Variants in RPS6KC1 observed in about 807,000 individuals in gnomAD.
RPS6KC1 encodes the protein inactive ribosomal protein S6 kinase delta-1.
In RPS6KC1, 54 loss-of-function variants were observed where a neutral mutation model predicts 103.8. That is an observed-to-expected ratio of 0.52 (90% confidence interval 0.42 to 0.65). RPS6KC1 has a LOEUF of 0.65. Among genes scored for constraint, RPS6KC1 ranks in the 30% least tolerant of loss-of-function variants. The pLI is 0.00. For synonymous variants in RPS6KC1, 439 were observed against 438.7 expected (o/e 1.00, Z -0.01); for missense variants, 1,151 against 1,253.8 (o/e 0.92, Z 1.24).
At chr1:213,242,397 A>G in intron 11 of RPS6KC1, 100 bp downstream of exon 11, 1 of 1,395,206 alleles carries the variant, frequency 7.2e-7, no homozygotes, top group Non-Finnish European at 1.0e-6. Context: ...TTTCCTGTCT[A>G]GAGCTTCATT....
the RPS6KC1 span, among the ~76,000 whole-genome samples, chr1:213,580,032 A>G: frequency 6.6e-6 from 1 of 152,034 alleles, no homozygotes; most frequent in Non-Finnish European, 1.5e-5. Flanking sequence ...TTCAAGTCTT[A>G]TTATTTAAAA....
the RPS6KC1 span, among the ~76,000 whole-genome samples, chr1:213,289,553 C>G: frequency 3.9e-5 from 6 of 152,052 alleles, no homozygotes; most frequent in Non-Finnish European, 7.4e-5. Context: ...AGATAAATGG[C>G]AGAATGGGAC....
the RPS6KC1 span, among the ~76,000 whole-genome samples, chr1:213,689,588 C>T: frequency 6.6e-6 from 1 of 152,178 alleles, no homozygotes. Context: ...TCAGGAAAGC[C>T]CTCACTGGGC....
At chr1:213,372,133 G>T in the RPS6KC1 span, among the ~76,000 whole-genome samples, 1 of 152,202 alleles carries the variant, frequency 6.6e-6, no homozygotes, top group Non-Finnish European at 1.5e-5. Flanking sequence ...ATAAACTGTT[G>T]ACTGAAAATA....
At chr1:213,591,883 T>C in the RPS6KC1 span, among the ~76,000 whole-genome samples, 1 of 152,202 alleles carries the variant, frequency 6.6e-6, no homozygotes, top group African/African-American at 2.4e-5. Context: ...GTGTTAAGGC[T>C]TCTTACCTGT....
chr1:213,287,563 T>G, the RPS6KC1 span, among the ~76,000 whole-genome samples: 2 of 152,138 alleles, frequency 1.3e-5, no homozygotes, highest in Non-Finnish European at 2.9e-5. Flanking sequence ...TTCAGTGTTA[T>G]CAAGGAAAGG....
chr1:213,613,880 C>T, the RPS6KC1 span, among the ~76,000 whole-genome samples: 1 of 152,230 alleles, frequency 6.6e-6, no homozygotes, highest in Non-Finnish European at 1.5e-5. Flanking sequence ...CATTTAAGTT[C>T]ACTGTGCTCC....
the RPS6KC1 span, among the ~76,000 whole-genome samples, chr1:213,634,064 T>C: frequency 6.6e-6 from 1 of 151,744 alleles, no homozygotes; most frequent in Non-Finnish European, 1.5e-5. Context: ...TAAAGGAGCA[T>C]CCAGATTCAT....
chr1:213,718,463 C>T, the RPS6KC1 span, among the ~76,000 whole-genome samples: 4 of 152,236 alleles, frequency 2.6e-5, no homozygotes, highest in Non-Finnish European at 5.9e-5. Flanking sequence ...GGATATGTAA[C>T]ACCCTCTCTG....
At chr1:213,093,617 A>G (rs1439180909) in intron 3 of RPS6KC1, among the ~76,000 whole-genome samples, 1 of 152,102 alleles carries the variant, frequency 6.6e-6, no homozygotes, top group Non-Finnish European at 1.5e-5. Flanking sequence ...TTATTGTTCT[A>G]ATGGTATGGT....
At chr1:213,685,504 C>A in the RPS6KC1 span, among the ~76,000 whole-genome samples, 2 of 152,024 alleles carry the variant, frequency 1.3e-5, no homozygotes. Context: ...CTGGCAGGAG[C>A]CTGTAATCCC....
chr1:213,262,713 T>TGTTTCAACC lies in RPS6KC1; in HGVS notation c.2995-2_2995-1insACCGTTTCA, dbSNP rs1325796824. 1 of 1,556,382 alleles carries TGTTTCAACC rather than the reference T, an allele frequency of 6.4e-7. No individual in the cohort carries two copies. Among genetic ancestry groups the TGTTTCAACC allele is most frequent in the Non-Finnish European group, 8.9e-7 (1 of 1,127,466 alleles). ...GGGATAAGAAGTGTACCTGATTGAT[T>TGTTTCAACC]GTTTCAGACTCTGGTTGAATGCCAT... is the stretch of plus-strand genomic sequence containing the variant. On this transcript the variant is annotated splice_polypyrimidine_tract_variant and splice_region_variant and intron_variant, in intron 13 of 14. Transcript: ENST00000366960.
intron 8 of RPS6KC1, among the ~76,000 whole-genome samples, chr1:213,187,062 A>G (rs1310205620): frequency 6.6e-6 from 1 of 152,062 alleles, no homozygotes; most frequent in African/African-American, 2.4e-5. Flanking sequence ...TTGTGCCAAC[A>G]TACCTGGCTA....
chr1:213,793,488 G>A, the RPS6KC1 span, among the ~76,000 whole-genome samples: 1 of 152,166 alleles, frequency 6.6e-6, no homozygotes, highest in African/African-American at 2.4e-5. Context: ...AATAGCCAAT[G>A]TAATCCCTTA....
At chr1:213,204,310 C>T (rs181380212) in intron 8 of RPS6KC1, among the ~76,000 whole-genome samples, 1 of 152,284 alleles carries the variant, frequency 6.6e-6, no homozygotes, top group Admixed American at 6.5e-5. Flanking sequence ...CATCATACAT[C>T]CAAGTATATG....
intron 14 of RPS6KC1, 48 bp from the exon 15 acceptor site, chr1:213,272,476 G>T (rs760888698): frequency 2.1e-6 from 3 of 1,418,426 alleles, no homozygotes; most frequent in Admixed American, 1.7e-5. Context: ...GTTTTCCTTT[G>T]ATTTGCCAGT....
chr1:213,128,824 A>G (rs2085279009), intron 5 of RPS6KC1, among the ~76,000 whole-genome samples: 1 of 152,194 alleles, frequency 6.6e-6, no homozygotes, highest in South Asian at 2.1e-4. Context: ...GAAATCTGAA[A>G]CACTTCTGTC....
chr1:213,856,089 G>A, the RPS6KC1 span, among the ~76,000 whole-genome samples: 1 of 152,204 alleles, frequency 6.6e-6, no homozygotes, highest in East Asian at 1.9e-4. Flanking sequence ...GTCGGCTGAA[G>A]CTTTCCCTTG....
At chr1:213,387,116 G>A in the RPS6KC1 span, among the ~76,000 whole-genome samples, 1 of 152,230 alleles carries the variant, frequency 6.6e-6, no homozygotes, top group African/African-American at 2.4e-5. Context: ...GCCCAGTAGG[G>A]AAGACAGTTC....
Sources: allele counts gnomAD v4.1 joint callset (sites outside exome capture counted in the v4.1 genomes callset), GRCh38; gene constraint gnomAD v4.1.1; transcripts MANE v1.5; gene names NCBI Gene and HGNC (gene_info 2026-07-23, HGNC 2026-07-21).